The following VPS13A variants were observed in gnomAD, a reference collection of about 807,000 sequenced individuals.
The protein encoded by VPS13A is vacuolar protein sorting 13 homolog A, also known as intermembrane lipid transfer protein VPS13A.
VPS13A carries 264 observed loss-of-function variants against 390.9 expected under a neutral mutation model. The observed-to-expected ratio is 0.68, with a 90% CI of 0.61 to 0.75. The LOEUF (loss-of-function observed/expected upper bound fraction) is 0.75. Among genes scored for constraint, VPS13A ranks in the 30% least tolerant of loss-of-function variants. The pLI is 0.00. For missense variants in VPS13A, 3,409 were observed against 3,733.9 expected, an observed-to-expected ratio of 0.91 and a Z score of 2.27; for synonymous variants, 1,231 against 1,227.1, an observed-to-expected ratio of 1.00 and a Z score of -0.07.
intron 68 of VPS13A, among the ~76,000 whole-genome samples, chr9:77,401,121 A>G (rs1834371802): frequency 6.6e-6 from 1 of 152,176 alleles, no homozygotes; most frequent in African/African-American, 2.4e-5. Flanking sequence ...ATATGTCTGC[A>G]TATACTTTAC....
rs1260853496 is a variant in VPS13A at position 77,273,370 on chromosome 9, A to G, written c.2512+6A>G. 2 of 1,598,486 alleles carry G rather than the reference A, an allele frequency of 1.3e-6. No homozygotes were observed. Among genetic ancestry groups the G allele is most frequent in the African/African-American group, 2.7e-5 (2 of 74,572 alleles). Reference sequence around the variant, plus strand: ...TCCATCTGTTTCTGAAGATGGTAAAATGAAACTGCTTAAGGATATTTTTCT... The same window carrying G: ...TCCATCTGTTTCTGAAGATGGTAAAGTGAAACTGCTTAAGGATATTTTTCT... On this transcript the variant is annotated splice_donor_region_variant and intron_variant, in intron 24 of 71. Transcript: ENST00000360280.
Position 77,319,574 on chromosome 9 carries a change from G to A in VPS13A, c.5316G>A (p.Val1772=). The A allele has an allele frequency of 1.3e-6, 2 of 1,580,470 alleles. No individual in the cohort carries two copies. The highest frequency in any genetic ancestry group is 2.7e-5 in the African/African-American group (2 of 74,368). The change falls in exon 42 of 72, where the codon GTG becomes GTA. Residue 1772 remains valine, a splice_region_variant and synonymous_variant. Transcript: ENST00000360280. ...AATTTAAAAAATTCTCTCTGTAGGT[G>A]CATTATTATAATGAAATGTTTGGTG... ...INLHCQLELE[V]HYYNEMFGVW... is the part of the protein sequence containing the mutation.
intron 1 of VPS13A, among the ~76,000 whole-genome samples, chr9:77,183,275 A>G (rs564477033): frequency 1.3e-5 from 2 of 152,220 alleles, no homozygotes. Flanking sequence ...AAGTTTTAGC[A>G]TATATGTGCA....
chr9:77,382,201 C>T (rs535796393), intron 68 of VPS13A, 114 bp downstream of exon 68: 291 of 1,350,010 alleles, frequency 2.2e-4, no homozygotes, highest in Non-Finnish European at 2.7e-4. Flanking sequence ...TTGCTTAATT[C>T]CACTTATAAG....
chr9:77,340,989 A>T (rs1197904286), intron 50 of VPS13A, among the ~76,000 whole-genome samples: 1 of 152,222 alleles, frequency 6.6e-6, no homozygotes, highest in Non-Finnish European at 1.5e-5. Flanking sequence ...AAATCTTTGA[A>T]TAAGAGTTTT....
intron 41 of VPS13A, among the ~76,000 whole-genome samples, chr9:77,319,085 C>G (rs569560080): frequency 6.6e-6 from 1 of 150,752 alleles, no homozygotes; most frequent in Non-Finnish European, 1.5e-5. Flanking sequence ...CTTAGTTATT[C>G]GAGAGACTGA....
chr9:77,415,329 T>C (rs1835129314), intron 71 of VPS13A, among the ~76,000 whole-genome samples: 2 of 152,240 alleles, frequency 1.3e-5, no homozygotes. Context: ...ATCTTAGGGC[T>C]ATTCTTACTA....
intron 71 of VPS13A, among the ~76,000 whole-genome samples, chr9:77,412,407 G>C (rs1042926890): frequency 1.3e-5 from 2 of 152,146 alleles, no homozygotes; most frequent in African/African-American, 4.8e-5. Flanking sequence ...TGATCAAGTG[G>C]GCTTCATCCC....
Position 77,346,702 on chromosome 9 carries a change from G to A in VPS13A, c.7289+1560G>A, listed in dbSNP as rs188969111. On this transcript the variant is annotated intron_variant, in intron 52 of 71. Transcript: ENST00000360280. Reference sequence around the variant, plus strand: ...CGATCTTGAGTTGATTTTTGTATAAGGTGAGAGATGAGAATCCAATTTTAT... The same window carrying A: ...CGATCTTGAGTTGATTTTTGTATAAAGTGAGAGATGAGAATCCAATTTTAT... Among the ~76,000 whole-genome samples the A allele has an allele frequency of 1.0e-3, 152 of 152,292 alleles. 1 individual carries two copies. The highest frequency in any genetic ancestry group is 3.5e-3 in the African/African-American group (144 of 41,582).
At chr9:77,341,547 C>T (rs1345387595) in intron 50 of VPS13A, among the ~76,000 whole-genome samples, 1 of 151,942 alleles carries the variant, frequency 6.6e-6, no homozygotes, top group Non-Finnish European at 1.5e-5. Flanking sequence ...TGCCTCTCCT[C>T]CATTCTTCCG....
intron 1 of VPS13A, among the ~76,000 whole-genome samples, chr9:77,192,140 G>A (rs902328979): frequency 2.6e-5 from 4 of 152,108 alleles, no homozygotes; most frequent in Non-Finnish European, 5.9e-5. Context: ...TTTCAAGTCT[G>A]TTTTGTCTGA....
chr9:77,348,577 A>AT (rs1280038987), intron 52 of VPS13A, among the ~76,000 whole-genome samples: 5 of 152,210 alleles, frequency 3.3e-5, no homozygotes, highest in African/African-American at 1.2e-4. Flanking sequence ...TTACCTATGT[A>AT]ACAAATCTGC....
intron 67 of VPS13A, among the ~76,000 whole-genome samples, chr9:77,376,338 A>G (rs1309971046): frequency 6.6e-6 from 1 of 152,178 alleles, no homozygotes; most frequent in Admixed American, 6.5e-5. Context: ...GGCCATTGAA[A>G]GGTTTCAAGC....
At chr9:77,303,560 A>G (rs1828508189) in intron 34 of VPS13A, among the ~76,000 whole-genome samples, 1 of 152,174 alleles carries the variant, frequency 6.6e-6, no homozygotes, top group South Asian at 2.1e-4. Context: ...CAGCACACCA[A>G]GGACCTGCAC....
chr9:77,295,458 G>T, intron 32 of VPS13A, 84 bp from the exon 33 acceptor site: 1 of 1,186,664 alleles, frequency 8.4e-7, no homozygotes, highest in Non-Finnish European at 1.1e-6. Flanking sequence ...TTTTTTAAAT[G>T]GAGGTAAAAC....
chr9:77,420,401 A>C lies in VPS13A; in HGVS notation c.*4395A>C, dbSNP rs943698747. 1 of 151,776 alleles carries C rather than the reference A, an allele frequency of 6.6e-6. No individual in the cohort carries two copies. Among genetic ancestry groups the C allele is most frequent in the East Asian group, 1.9e-4 (1 of 5,178 alleles). The allele number at this position is 151,776 out of a possible 1,614,324, so 9.4% of individuals were successfully genotyped here. A position where few individuals can be genotyped will look rare whatever the true frequency, so the allele number is the denominator to read the frequency against. Reference sequence around the variant, plus strand: ...CTACTTTATATTTCCTCTTTTGTAAATTTTTCCATGTCATTTAAAAAATTT... The same window carrying C: ...CTACTTTATATTTCCTCTTTTGTAACTTTTTCCATGTCATTTAAAAAATTT... On this transcript the variant is annotated 3_prime_UTR_variant, in exon 72 of 72. Transcript: ENST00000360280.
chr9:77,357,925 A>G (rs1587652703), intron 56 of VPS13A, 87 bp downstream of exon 56: 1 of 899,556 alleles, frequency 1.1e-6, no homozygotes, highest in Admixed American at 2.2e-5. Context: ...TGCTTTATCT[A>G]GTATTCAGTT....
rs745647155 is a variant in VPS13A at position 77,403,329 on chromosome 9, GCTTT to G, written c.9275+15_9275+18del. 1.4e-5 allele frequency: 23 copies of G among 1,606,278 alleles called. No homozygotes were observed. The highest frequency in any genetic ancestry group is 1.7e-4 in the Middle Eastern group (1 of 6,028). On this transcript the variant is annotated intron_variant, in intron 69 of 71. Transcript: ENST00000360280. ...GCTAATGATAACCAGACGGTAACTTGCTTTCTTTCTCTTACGTAATTTTATAAGG... is the reference window on the plus strand; with the variant it reads ...GCTAATGATAACCAGACGGTAACTTGCTTTCTCTTACGTAATTTTATAAGG...
chr9:77,315,527 T>C, intron 38 of VPS13A, 57 bp downstream of exon 38: 1 of 1,488,500 alleles, frequency 6.7e-7, no homozygotes, highest in Non-Finnish European at 9.3e-7. Context: ...ACAACAGGAC[T>C]TAACCTTGAT....
Sources: gnomAD v4.1 joint callset for allele counts (sites outside exome capture counted in the v4.1 genomes callset) on GRCh38, gnomAD v4.1.1 for gene constraint, MANE v1.5 for transcripts, NCBI Gene and HGNC (gene_info 2026-07-23, HGNC 2026-07-21) for gene names.